The following TM2D1 variants were observed in gnomAD, a reference collection of about 807,000 sequenced individuals.
TM2D1 encodes the protein TM2 domain-containing protein 1.
In TM2D1, 15 loss-of-function variants were observed where a neutral mutation model predicts 28.4. The observed-to-expected ratio is 0.53, with a 90% CI of 0.35 to 0.81. The LOEUF (loss-of-function observed/expected upper bound fraction) is 0.81, where lower values mean the gene tolerates loss of function less well. Ranked by LOEUF, TM2D1 falls within the 40% of genes least tolerant of loss-of-function variation. The pLI is 0.01. For synonymous variants in TM2D1, 93 were observed against 96.2 expected (o/e 0.97, Z 0.20); for missense variants, 236 against 254.9 (o/e 0.93, Z 0.50).
intron 6 of TM2D1, 59 bp downstream of exon 6, chr1:61,683,358 T>A (rs1644261144): frequency 1.8e-6 from 1 of 560,392 alleles, no homozygotes; most frequent in African/African-American, 2.0e-5. Flanking sequence ...AAAATTCTCA[T>A]AATTTTATAT....
intron 2 of TM2D1, among the ~76,000 whole-genome samples, chr1:61,718,042 G>T (rs1028197088): frequency 2.0e-5 from 3 of 152,070 alleles, no homozygotes; most frequent in Non-Finnish European, 4.4e-5. Flanking sequence ...AAAACGCCAG[G>T]TGTGGTGGCT....
At chr1:61,704,556 C>T (rs1381021717) in intron 3 of TM2D1, among the ~76,000 whole-genome samples, 6 of 151,886 alleles carry the variant, frequency 4.0e-5, no homozygotes, top group Non-Finnish European at 8.8e-5. Flanking sequence ...CTCAGCCTCC[C>T]GCGTAGCTAG....
chr1:61,686,921 T>A, intron 5 of TM2D1: 2 of 978,420 alleles, frequency 2.0e-6, no homozygotes, highest in Non-Finnish European at 2.4e-6. Flanking sequence ...AGACCCTGTC[T>A]CTAAAAAAAG....
chr1:61,719,211 C>A (rs1361080085), intron 2 of TM2D1, among the ~76,000 whole-genome samples: 1 of 151,546 alleles, frequency 6.6e-6, no homozygotes, highest in African/African-American at 2.4e-5. Flanking sequence ...ATGTGCGTCA[C>A]CATGCCTGGC....
chr1:61,709,584 A>T (rs941185479), intron 2 of TM2D1, 147 bp from the exon 3 acceptor site: 1 of 608,388 alleles, frequency 1.6e-6, no homozygotes, highest in Non-Finnish European at 3.0e-6. Flanking sequence ...GAAAAGTGAC[A>T]CTACGTATGT....
rs1486512444 is a variant in TM2D1, at chr1:61,724,987, G to C, written c.134C>G (p.Ser45Trp). Reference protein sequence around the residue: ...AVATSAGGEESLKCEDLKVGQ... With the variant: ...AVATSAGGEEWLKCEDLKVGQ... ...CACTTTGAGGTCCTCGCACTTAAGC[G>C]ACTCCTCGCCCCCGGCGGAGGTGGC... Residue 45 changes from serine to tryptophan, a missense_variant, in exon 1 of 7, where the codon TCG (serine) becomes TGG (tryptophan). Transcript: ENST00000606498. 2 of 1,606,116 alleles carry C rather than the reference G, an allele frequency of 1.2e-6. No homozygotes were observed. Among genetic ancestry groups the C allele is most frequent in the South Asian group, 2.2e-5 (2 of 90,902 alleles).
At chr1:61,710,000 TAAG>T (rs975792132) in intron 2 of TM2D1, among the ~76,000 whole-genome samples, 12 of 152,250 alleles carry the variant, frequency 7.9e-5, no homozygotes, top group Middle Eastern at 3.4e-3. Context: ...CCAGATGACA[TAAG>T]AAGAAGAAGT....
intron 4 of TM2D1, among the ~76,000 whole-genome samples, chr1:61,696,879 C>T (rs1021578457): frequency 5.9e-5 from 9 of 152,046 alleles, no homozygotes; most frequent in African/African-American, 2.2e-4. Context: ...CTGCCTTGGC[C>T]TCCCAAAATG....
At chr1:61,714,991 A>G (rs777036699) in intron 2 of TM2D1, among the ~76,000 whole-genome samples, 3 of 152,228 alleles carry the variant, frequency 2.0e-5, no homozygotes, top group African/African-American at 4.8e-5. Flanking sequence ...ACACTCCAGG[A>G]TTAGATACTC....
At position 61,712,512 on chromosome 1, in the gene TM2D1, G is replaced by C. The variant is rs148637413; in HGVS notation, c.239-3075C>G. On this transcript the variant is annotated intron_variant, in intron 2 of 6. Transcript: ENST00000606498. Reference sequence around the variant, plus strand: ...TGCAACCTCCGTCTCCTGGGTTCAAGCAATTCTCATGTCTCAGCCTCTCCA... The same window carrying C: ...TGCAACCTCCGTCTCCTGGGTTCAACCAATTCTCATGTCTCAGCCTCTCCA... Among the ~76,000 whole-genome samples, 392 of 152,258 alleles carry C rather than the reference G, an allele frequency of 2.6e-3. 1 individual carries two copies. The highest frequency in any genetic ancestry group is 8.9e-3 in the African/African-American group (369 of 41,564).
intron 2 of TM2D1, among the ~76,000 whole-genome samples, chr1:61,720,566 G>A (rs1467152586): frequency 2.0e-5 from 3 of 151,772 alleles, no homozygotes; most frequent in African/African-American, 4.8e-5. Context: ...TTGAGGGCAG[G>A]GATTATGTCT....
Position 61,691,932 on chromosome 1 carries a change from A to AAATATATATATATAT in TM2D1, c.513+2764_513+2765insATATATATATATATT. ...TCTCAAAAAAAACTTAAAAAAAAAA[A>AAATATATATATATAT]ATATATATATATATATATATATATA... On this transcript the variant is annotated intron_variant, in intron 5 of 6. Transcript: ENST00000606498. 5.1e-3 allele frequency among the ~76,000 whole-genome samples: 387 copies of AAATATATATATATAT among 76,196 alleles called. 2 individuals are homozygous for AAATATATATATATAT. The highest frequency in any genetic ancestry group is 7.3e-3 in the Non-Finnish European group (283 of 38,696). The allele number at this position is 76,196 out of a possible 152,430, so 50.0% of individuals were successfully genotyped here.
intron 3 of TM2D1, among the ~76,000 whole-genome samples, chr1:61,702,420 G>A (rs58469534): frequency 1.2e-3 from 176 of 150,760 alleles, no homozygotes; most frequent in African/African-American, 4.2e-3. Flanking sequence ...CCAGGCTGGA[G>A]TGCAGTGGCG....
intron 3 of TM2D1, among the ~76,000 whole-genome samples, chr1:61,706,465 T>C (rs1452769027): frequency 2.0e-5 from 3 of 151,414 alleles, no homozygotes; most frequent in Non-Finnish European, 2.9e-5. Flanking sequence ...CCCAAAGTGC[T>C]GGGATTACAG....
At position 61,724,972 on chromosome 1, in the gene TM2D1, T is replaced by C; in HGVS notation, c.149A>G (p.Asp50Gly). Residue 50 changes from aspartate to glycine, a missense_variant, in exon 1 of 7, where the codon GAC becomes GGC. Physicochemically the swap from Asp to Gly is moderately conservative, Grantham distance 94. Around this residue, in one of 3 missense-constraint regions of TM2D1, gnomAD observed 167 missense variants for 162.7 expected, o/e 1.03. Transcript: ENST00000606498. ...AGGEESLKCE[D>G]LKVGQYICKD... ...CAGAGGATATTGTCCCACTTTGAGG[T>C]CCTCGCACTTAAGCGACTCCTCGCC... is the stretch of plus-strand genomic sequence containing the variant. 1.4e-5 allele frequency: 23 copies of C among 1,602,168 alleles called. No individual in the cohort carries two copies. Among genetic ancestry groups the C allele is most frequent in the Non-Finnish European group, 2.0e-5 (23 of 1,170,772 alleles).
At chr1:61,693,780 C>A (rs1644344745) in intron 5 of TM2D1, among the ~76,000 whole-genome samples, 1 of 152,102 alleles carries the variant, frequency 6.6e-6, no homozygotes, top group Non-Finnish European at 1.5e-5. Flanking sequence ...GAAAGCAGAG[C>A]AAAACAGATG....
At chr1:61,708,921 T>C (rs1644458390) in intron 3 of TM2D1, among the ~76,000 whole-genome samples, 1 of 151,792 alleles carries the variant, frequency 6.6e-6, no homozygotes, top group Non-Finnish European at 1.5e-5. Context: ...TCCCAGCACT[T>C]TGAGAGGCCG....
intron 4 of TM2D1, chr1:61,699,985 T>C: frequency 1.4e-6 from 1 of 695,116 alleles, no homozygotes; most frequent in Non-Finnish European, 2.0e-6. Flanking sequence ...ATGGAAGAAA[T>C]AAGGTTAGCT....
intron 4 of TM2D1, chr1:61,699,395 C>G (rs1358368416): frequency 6.6e-6 from 1 of 151,972 alleles, no homozygotes; most frequent in African/African-American, 2.4e-5. Context: ...GCTTCTGATA[C>G]CTAAAAGGAT....
Sources: allele counts gnomAD v4.1 joint callset (sites outside exome capture counted in the v4.1 genomes callset), GRCh38; gene constraint gnomAD v4.1.1; regional missense constraint gnomAD v4.1.1; transcripts MANE v1.5; gene names NCBI Gene and HGNC (gene_info 2026-07-23, HGNC 2026-07-21).